Variants in EPHA6 observed in about 807,000 individuals in gnomAD.
The protein encoded by EPHA6 is ephrin type-A receptor 6.
In EPHA6, 50 loss-of-function variants were observed where a neutral mutation model predicts 112.0. The ratio of observed to expected loss-of-function variants is 0.45; its 90% CI spans 0.36 to 0.56. The LOEUF is 0.56. Among genes scored for constraint, EPHA6 ranks in the 20% least tolerant of loss-of-function variants. The pLI, the probability that EPHA6 is intolerant of heterozygous loss-of-function variation, is 0.00. For synonymous variants in EPHA6, 529 were observed against 490.7 expected (o/e 1.08, Z -1.03); for missense variants, 1,280 against 1,417.4 (o/e 0.90, Z 1.56).
intron 5 of EPHA6, among the ~76,000 whole-genome samples, chr3:97,364,042 A>G (rs191286988): frequency 2.6e-5 from 4 of 152,206 alleles, no homozygotes; most frequent in African/African-American, 9.6e-5. Flanking sequence ...GGTATGAAGT[A>G]TCAGTTTGGG....
chr3:97,334,060 T>A (rs1402279663), intron 5 of EPHA6, among the ~76,000 whole-genome samples: 2 of 152,136 alleles, frequency 1.3e-5, no homozygotes, highest in Admixed American at 1.3e-4. Flanking sequence ...ATTGATATAA[T>A]CATGTTTTTA....
At chr3:97,327,410 C>G (rs2082487201) in intron 5 of EPHA6, among the ~76,000 whole-genome samples, 1 of 151,958 alleles carries the variant, frequency 6.6e-6, no homozygotes, top group Non-Finnish European at 1.5e-5. Flanking sequence ...AATATCACAA[C>G]CAGGACATTG....
At chr3:97,548,789 G>A (rs2092992226) in intron 11 of EPHA6, among the ~76,000 whole-genome samples, 1 of 152,204 alleles carries the variant, frequency 6.6e-6, no homozygotes, top group African/African-American at 2.4e-5. Flanking sequence ...TCCAGTTTGA[G>A]TGATTATTGA....
At chr3:96,923,885 G>T (rs2039901616) in intron 2 of EPHA6, among the ~76,000 whole-genome samples, 1 of 152,086 alleles carries the variant, frequency 6.6e-6, no homozygotes, top group Admixed American at 6.6e-5. Context: ...ATTAAATAAG[G>T]AATCTTTCCC....
intron 3 of EPHA6, among the ~76,000 whole-genome samples, chr3:97,023,995 A>AT (rs1368895788): frequency 6.6e-6 from 1 of 152,012 alleles, no homozygotes; most frequent in Non-Finnish European, 1.5e-5. Flanking sequence ...CTGTTTCTGT[A>AT]TTTTTTTCTC....
intron 5 of EPHA6, among the ~76,000 whole-genome samples, chr3:97,319,347 A>G (rs1464432313): frequency 6.6e-6 from 1 of 151,734 alleles, no homozygotes; most frequent in Non-Finnish European, 1.5e-5. Flanking sequence ...GGAATCAAAA[A>G]TTGTGTATAC....
At chr3:97,563,377 C>T (rs1210981008) in intron 11 of EPHA6, among the ~76,000 whole-genome samples, 1 of 152,028 alleles carries the variant, frequency 6.6e-6, no homozygotes, top group Non-Finnish European at 1.5e-5. Flanking sequence ...GTTGAATGTC[C>T]CACAGAACTT....
intron 5 of EPHA6, among the ~76,000 whole-genome samples, chr3:97,284,732 A>T (rs757043756): frequency 8.5e-5 from 13 of 152,164 alleles, no homozygotes; most frequent in Non-Finnish European, 1.8e-4. Flanking sequence ...GATTCATGAC[A>T]GTTGCTATTA....
chr3:97,002,333 A>G lies in EPHA6; in HGVS notation c.1114+14340A>G, dbSNP rs902150948. On this transcript the variant is annotated intron_variant, in intron 3 of 17. Coordinates refer to ENST00000389672, the MANE Select transcript of EPHA6 (RefSeq NM_001080448.3). ...GAGATGAAGTATTAATATTATATGT[A>G]TATAATTTTTTAAATTAGCCTATAA... Among the ~76,000 whole-genome samples the G allele has an allele frequency of 2.7e-5, 4 of 150,842 alleles. No individual in the cohort carries two copies. In the East Asian group the frequency reaches 7.7e-4, roughly 29 times the overall value.
intron 5 of EPHA6, among the ~76,000 whole-genome samples, chr3:97,304,142 G>A (rs1377457096): frequency 6.6e-6 from 1 of 151,970 alleles, no homozygotes; most frequent in East Asian, 1.9e-4. Flanking sequence ...GAGCTTTTGG[G>A]CTGAGACAAT....
At chr3:97,292,466 A>G (rs1011513199) in intron 5 of EPHA6, among the ~76,000 whole-genome samples, 5 of 152,252 alleles carry the variant, frequency 3.3e-5, no homozygotes, top group African/African-American at 1.2e-4. Context: ...GAGGAGCTTC[A>G]TTAAGTAACA....
chr3:96,828,416 T>C (rs2033807180), intron 1 of EPHA6, among the ~76,000 whole-genome samples: 1 of 152,142 alleles, frequency 6.6e-6, no homozygotes, highest in Non-Finnish European at 1.5e-5. Flanking sequence ...TGTGTGCTCT[T>C]TCTCTTATCA....
chr3:97,239,256 C>T lies in EPHA6; in HGVS notation c.1271-4696C>T, dbSNP rs184884857. Among the ~76,000 whole-genome samples, 399 of 151,886 alleles carry T rather than the reference C, an allele frequency of 2.6e-3. 3 individuals are homozygous for T. Among genetic ancestry groups the T allele is most frequent in the African/African-American group, 8.7e-3 (359 of 41,478 alleles). Reference sequence around the variant, plus strand: ...CTAATAGCATTATTTAAGGGAGTCTCCTATAGGAAGGCAATAATCAGTTAC... The same window carrying T: ...CTAATAGCATTATTTAAGGGAGTCTTCTATAGGAAGGCAATAATCAGTTAC... On this transcript the variant is annotated intron_variant, in intron 4 of 17. Coordinates refer to ENST00000389672, the MANE Select transcript of EPHA6 (RefSeq NM_001080448.3).
chr3:97,360,706 C>T (rs183931759), intron 5 of EPHA6, among the ~76,000 whole-genome samples: 87 of 151,752 alleles, frequency 5.7e-4, no homozygotes, highest in East Asian at 1.4e-3. Context: ...TAATACAATT[C>T]GAGAAAATAA....
chr3:97,235,094 A>G (rs1576739731), intron 4 of EPHA6, among the ~76,000 whole-genome samples: 1 of 152,224 alleles, frequency 6.6e-6, no homozygotes, highest in South Asian at 2.1e-4. Context: ...GCATTTCCTG[A>G]CTGCCCCCTC....
At chr3:97,214,431 G>T (rs1028292983) in intron 3 of EPHA6, among the ~76,000 whole-genome samples, 1 of 149,014 alleles carries the variant, frequency 6.7e-6, no homozygotes, top group South Asian at 2.1e-4. Flanking sequence ...ACAGAAAAGC[G>T]TGGAGTGCCA....
chr3:97,310,217 A>T (rs1426426199), intron 5 of EPHA6, among the ~76,000 whole-genome samples: 1 of 151,516 alleles, frequency 6.6e-6, no homozygotes, highest in African/African-American at 2.4e-5. Flanking sequence ...GAAAAACCCA[A>T]CTCAAATAAG....
rs944971405 is a variant in EPHA6, at chr3:97,704,141, A to T, written c.2785-16120A>T. 3.3e-5 allele frequency among the ~76,000 whole-genome samples: 5 copies of T among 152,326 alleles called. 1 individual carries two copies. Among genetic ancestry groups the T allele is most frequent in the Admixed American group, 6.5e-5 (1 of 15,302 alleles). On this transcript the variant is annotated intron_variant, in intron 14 of 17. Coordinates refer to ENST00000389672, the MANE Select transcript of EPHA6 (RefSeq NM_001080448.3). ...GAAAATCTTTCTAGTCTAATTAGCA[A>T]GTCCTTAGAGGATGTGATGATTAAT...
At chr3:97,275,283 A>T (rs1221618017) in intron 5 of EPHA6, among the ~76,000 whole-genome samples, 1 of 152,160 alleles carries the variant, frequency 6.6e-6, no homozygotes, top group Admixed American at 6.5e-5. Flanking sequence ...TTATGCCGAG[A>T]TAGGTAACAG....
Sources: gnomAD v4.1 joint callset for allele counts (sites outside exome capture counted in the v4.1 genomes callset) on GRCh38, gnomAD v4.1.1 for gene constraint, MANE v1.5 for transcripts, NCBI Gene and HGNC (gene_info 2026-07-23, HGNC 2026-07-21) for gene names.